Variants in MTHFSD observed in about 807,000 individuals in gnomAD.
MTHFSD encodes methenyltetrahydrofolate synthetase domain containing, also known as methenyltetrahydrofolate synthase domain-containing protein.
In MTHFSD, 37 loss-of-function variants were observed where a neutral mutation model predicts 31.1. The observed-to-expected ratio is 1.19, with a 90% CI of 0.91 to 1.56. The LOEUF (loss-of-function observed/expected upper bound fraction) is 1.56, where lower values mean the gene tolerates loss of function less well. MTHFSD is among the 40% of genes most tolerant of loss of function. MTHFSD has a pLI of 0.00. For synonymous variants in MTHFSD, 221 were observed against 206.9 expected, an observed-to-expected ratio of 1.07 and a Z score of -0.59; for missense variants, 664 against 510.1, an observed-to-expected ratio of 1.30 and a Z score of -2.91.
chr16:86,542,447 G>A lies in MTHFSD; in HGVS notation c.443-234C>T. The A allele has an allele frequency of 1.8e-6, 1 of 547,070 alleles. No individual in the cohort carries two copies. Among genetic ancestry groups the A allele is most frequent in the Non-Finnish European group, 3.3e-6 (1 of 306,170 alleles). The allele number at this position is 547,070 out of a possible 1,614,324, so 33.9% of individuals were successfully genotyped here. ...CAATGTCAGGTGGTGAAACTACAATGACGTGAACACTGGACCGTTCAAGCA... is the reference window on the plus strand; with the variant it reads ...CAATGTCAGGTGGTGAAACTACAATAACGTGAACACTGGACCGTTCAAGCA... On this transcript the variant is annotated intron_variant, in intron 5 of 7. Coordinates refer to ENST00000360900, the MANE Select transcript of MTHFSD (RefSeq NM_001159377.2). The surrounding 1 kb of genome is among the most constrained non-coding windows in gnomAD (Gnocchi z 4.6).
intron 3 of MTHFSD, among the ~76,000 whole-genome samples, chr16:86,551,157 T>G (rs774394199): frequency 6.6e-6 from 1 of 152,252 alleles, no homozygotes; most frequent in Non-Finnish European, 1.5e-5. Flanking sequence ...TTATTTTGGT[T>G]TTATAGTTAC....
intron 2 of MTHFSD, among the ~76,000 whole-genome samples, chr16:86,554,254 G>C (rs376535886): frequency 3.9e-5 from 6 of 152,214 alleles, no homozygotes; most frequent in East Asian, 3.8e-4. Context: ...AGCCAGCAAA[G>C]ACCGTGAACC....
At chr16:86,554,782 A>T in intron 1 of MTHFSD, 31 bp from the exon 2 acceptor site, 1 of 1,567,892 alleles carries the variant, frequency 6.4e-7, no homozygotes, top group Non-Finnish European at 8.8e-7. Context: ...TTAATAACAT[A>T]CAAAGGAATT....
At chr16:86,554,912 C>T (rs374036051) in intron 1 of MTHFSD, 161 bp from the exon 2 acceptor site, 1 of 1,085,930 alleles carries the variant, frequency 9.2e-7, no homozygotes. Context: ...CCACGGGCTC[C>T]CCCACGTGCA....
intron 7 of MTHFSD, among the ~76,000 whole-genome samples, chr16:86,537,367 A>G (rs955533146): frequency 2.6e-5 from 4 of 152,130 alleles, no homozygotes; most frequent in Non-Finnish European, 5.9e-5. Flanking sequence ...TTCTCCTGCC[A>G]CAAAATATTC....
intron 7 of MTHFSD, chr16:86,540,999 C>T (rs1170349729): frequency 8.5e-6 from 10 of 1,174,140 alleles, no homozygotes; most frequent in East Asian, 5.9e-5. Context: ...GGGATTCAAA[C>T]GGTGAATGAT....
chr16:86,541,400 A>G (rs1030603241), intron 7 of MTHFSD: 4 of 569,428 alleles, frequency 7.0e-6, no homozygotes, highest in Non-Finnish European at 1.1e-5. Flanking sequence ...AATGAAAAAC[A>G]GGGGGCAAGT....
chr16:86,554,986 A>T, intron 1 of MTHFSD, 183 bp downstream of exon 1: 1 of 1,348,374 alleles, frequency 7.4e-7, no homozygotes, highest in Non-Finnish European at 9.8e-7. Flanking sequence ...CTTTCTCGGG[A>T]TTCCGGGCGA....
intron 7 of MTHFSD, among the ~76,000 whole-genome samples, chr16:86,534,459 T>G (rs1157470091): frequency 6.6e-6 from 1 of 152,178 alleles, no homozygotes; most frequent in African/African-American, 2.4e-5. Context: ...GCTTCTGCCA[T>G]AGGGAAGCTT....
chr16:86,539,705 G>C (rs766224507), intron 7 of MTHFSD, among the ~76,000 whole-genome samples: 1 of 152,212 alleles, frequency 6.6e-6, no homozygotes, highest in African/African-American at 2.4e-5. Flanking sequence ...CACTCAAACA[G>C]AGCGTGTATT....
Position 86,541,795 on chromosome 16 carries a change from C to A in MTHFSD, c.583G>T (p.Glu195Ter). Residue 195 changes from glutamate (E) to a stop codon, truncating the protein, a stop_gained, in exon 7 of 8, where the codon GAG (glutamate) becomes TAG (stop). Coordinates refer to ENST00000360900, the MANE Select transcript of MTHFSD (RefSeq NM_001159377.2). LOFTEE classifies it high-confidence loss of function. ...QVVDIPEELV[E>*]EHDITVDYIL... Reference sequence around the variant, plus strand: ...TAGTCCACAGTGATGTCGTGCTCCTCAACAAGCTCTTCAGGGATGTCCACG... The same window carrying A: ...TAGTCCACAGTGATGTCGTGCTCCTAAACAAGCTCTTCAGGGATGTCCACG... 6.2e-7 allele frequency: 1 copy of A among 1,614,176 alleles called. No individual in the cohort carries two copies. The highest frequency in any genetic ancestry group is 8.5e-7 in the Non-Finnish European group (1 of 1,180,038).
In MTHFSD at chr16:86,530,835, C is replaced by T. The variant is rs78270932; in HGVS notation, c.*1176G>A. ...GCCGAGGGCCCAGGGCCAGGTGTGG[C>T]GCTTCCAGACGTTTCTACTCTCTCA... On this transcript the variant is annotated 3_prime_UTR_variant, in exon 8 of 8. Transcript: ENST00000360900. The T allele has an allele frequency of 2.6e-4, 40 of 152,266 alleles. No homozygotes were observed. The East Asian group carries it at 4.3e-3, about 16-fold the overall frequency. The allele number at this position is 152,266 out of a possible 1,614,324, so 9.4% of individuals were successfully genotyped here. A position where few individuals can be genotyped will look rare whatever the true frequency, so the allele number is the denominator to read the frequency against.
chr16:86,535,177 G>A, intron 7 of MTHFSD: 3 of 929,726 alleles, frequency 3.2e-6, no homozygotes, highest in Non-Finnish European at 3.8e-6. Flanking sequence ...CTAACTGGCG[G>A]CCAGGGCACT....
intron 7 of MTHFSD, chr16:86,541,321 A>G: frequency 1.1e-6 from 1 of 946,938 alleles, no homozygotes; most frequent in South Asian, 1.7e-5. Context: ...GGATTTAAAA[A>G]GGGAAGACCA....
intron 5 of MTHFSD, among the ~76,000 whole-genome samples, 191 bp downstream of exon 5, chr16:86,546,368 G>A (rs775464008): frequency 4.6e-5 from 7 of 152,324 alleles, no homozygotes; most frequent in Non-Finnish European, 1.0e-4. Flanking sequence ...CTGTACACAT[G>A]TTGGGCTGGG....
At chr16:86,549,788 A>T (rs1338584245) in intron 3 of MTHFSD, among the ~76,000 whole-genome samples, 1 of 152,256 alleles carries the variant, frequency 6.6e-6, no homozygotes. Context: ...CACCTAAGCC[A>T]GTGGGGCTTA....
chr16:86,537,301 A>T (rs4843159), intron 7 of MTHFSD, among the ~76,000 whole-genome samples: 33,013 of 151,966 alleles, frequency 0.22, 4,164 homozygotes, highest in East Asian at 0.35. Flanking sequence ...ATGAAATTCC[A>T]TATCAAGCAT....
chr16:86,541,354 T>A (rs1250010118), intron 7 of MTHFSD, among the ~76,000 whole-genome samples: 1 of 151,144 alleles, frequency 6.6e-6, no homozygotes, highest in Non-Finnish European at 1.5e-5. Context: ...CAGGCAGAGC[T>A]TGCTGCGCCT....
chr16:86,547,569 C>A (rs1972514383), intron 4 of MTHFSD: 15 of 988,002 alleles, frequency 1.5e-5, no homozygotes, highest in Middle Eastern at 5.1e-4. Flanking sequence ...CACTGACCAA[C>A]TGCAAAGGAA....
Sources: gnomAD v4.1 joint callset for allele counts (sites outside exome capture counted in the v4.1 genomes callset) on GRCh38, gnomAD v4.1.1 for gene constraint, Gnocchi (gnomAD v3.1) non-coding constraint, MANE v1.5 for transcripts, NCBI Gene and HGNC (gene_info 2026-07-23, HGNC 2026-07-21) for gene names.